Variants in PPFIA2 observed in about 807,000 individuals in gnomAD.
PPFIA2 encodes the protein PPFI scaffold protein A2.
In PPFIA2, 46 loss-of-function variants were observed where a neutral mutation model predicts 175.5. That is an observed-to-expected ratio of 0.26 (90% CI 0.21 to 0.34). The LOEUF (loss-of-function observed/expected upper bound fraction) is 0.34, where lower values mean the gene tolerates loss of function less well. Ranked by LOEUF, PPFIA2 falls within the 10% of genes least tolerant of loss-of-function variation. The pLI is 1.00. For missense variants in PPFIA2, 1,179 were observed against 1,506.1 expected, an observed-to-expected ratio of 0.78 and a Z score of 3.60; for synonymous variants, 568 against 511.4, an observed-to-expected ratio of 1.11 and a Z score of -1.49.
chr12:81,297,702 C>T (rs888136435), intron 23 of PPFIA2, among the ~76,000 whole-genome samples: 6 of 152,192 alleles, frequency 3.9e-5, no homozygotes, highest in African/African-American at 1.4e-4. Flanking sequence ...TGGATTTCCA[C>T]ACTAGTTAAC....
At chr12:81,588,726 T>A (rs1048926633) in intron 4 of PPFIA2, among the ~76,000 whole-genome samples, 2 of 152,118 alleles carry the variant, frequency 1.3e-5, no homozygotes, top group African/African-American at 4.8e-5. Context: ...AAATATGTTT[T>A]ACTTTCTCTT....
At chr12:81,755,339 A>G (rs2084472661) in intron 2 of PPFIA2, among the ~76,000 whole-genome samples, 1 of 152,180 alleles carries the variant, frequency 6.6e-6, no homozygotes, top group Admixed American at 6.5e-5. Flanking sequence ...TGGTTGTTGT[A>G]CTATGGCCAG....
intron 23 of PPFIA2, chr12:81,296,530 G>C (rs1390936885): frequency 2.0e-5 from 3 of 152,116 alleles, no homozygotes; most frequent in Non-Finnish European, 4.4e-5. Flanking sequence ...CATTAGTTAT[G>C]AGTAAGAAGT....
intron 3 of PPFIA2, among the ~76,000 whole-genome samples, chr12:81,692,066 CCTCT>C (rs760566521): frequency 9.0e-5 from 13 of 144,642 alleles, no homozygotes; most frequent in Non-Finnish European, 1.8e-4. Flanking sequence ...TTTCTCTCTT[CCTCT>C]CTCTCTCTCT....
At chr12:81,530,015 T>G (rs1226318809) in intron 4 of PPFIA2, among the ~76,000 whole-genome samples, 3 of 151,946 alleles carry the variant, frequency 2.0e-5, no homozygotes, top group Non-Finnish European at 4.4e-5. Context: ...CATACAATGC[T>G]ATAAACTAAA....
At chr12:81,282,984 G>A (rs774124709) in intron 26 of PPFIA2, 26 bp downstream of exon 26, 3 of 1,593,132 alleles carry the variant, frequency 1.9e-6, no homozygotes, top group African/African-American at 2.7e-5. Context: ...TGATATTAAG[G>A]GTCTTAAAGC....
At chr12:81,419,064 T>G (rs1398959027) in intron 7 of PPFIA2, among the ~76,000 whole-genome samples, 1 of 152,052 alleles carries the variant, frequency 6.6e-6, no homozygotes, top group African/African-American at 2.4e-5. Flanking sequence ...AAAATAGTTT[T>G]AACTTATATA....
At chr12:81,512,763 C>T (rs986009466) in intron 4 of PPFIA2, among the ~76,000 whole-genome samples, 1 of 151,976 alleles carries the variant, frequency 6.6e-6, no homozygotes. Flanking sequence ...GCTTAGCTTC[C>T]ACTTATAAAT....
intron 3 of PPFIA2, among the ~76,000 whole-genome samples, chr12:81,743,411 CAAAAAAAAAAAAAAAAAAA>C (rs772497730): frequency 1.6e-4 from 4 of 24,862 alleles, no homozygotes; most frequent in East Asian, 3.1e-3. Flanking sequence ...GACTCCGTCT[CAAAAAAAAAAAAAAAAAAA>C]AAAAAAAAAA....
chr12:81,548,503 A>G lies in PPFIA2; in HGVS notation c.304-90637T>C, dbSNP rs74399310. On this transcript the variant is annotated intron_variant, in intron 4 of 32. Coordinates refer to ENST00000549396, the MANE Select transcript of PPFIA2 (RefSeq NM_003625.5). The stretch of plus-strand genomic sequence containing the variant: ...TATATTCAAAACAATGTTTTCCTTT[A>G]TATGTTTTTCTAGAGATGGGAGTCT... Among the ~76,000 whole-genome samples, 267 of 152,172 alleles carry G rather than the reference A, an allele frequency of 1.8e-3. 1 individual carries two copies. The highest frequency in any genetic ancestry group is 6.2e-3 in the African/African-American group (259 of 41,534).
chr12:81,374,823 C>T (rs2035987487), intron 10 of PPFIA2, 55 bp from the exon 11 acceptor site: 6 of 1,515,240 alleles, frequency 4.0e-6, no homozygotes, highest in Non-Finnish European at 5.4e-6. Flanking sequence ...GGATAGCAAA[C>T]ACCAGTCGCC....
intron 4 of PPFIA2, among the ~76,000 whole-genome samples, chr12:81,512,599 C>A (rs935351281): frequency 2.0e-5 from 3 of 151,774 alleles, no homozygotes. Flanking sequence ...TGGATGAGTT[C>A]TCTGGTGGTG....
Position 81,368,844 on chromosome 12 carries a change from C to A in PPFIA2, c.1363G>T (p.Glu455Ter). 1 of 1,609,632 alleles carries A rather than the reference C, an allele frequency of 6.2e-7. No individual in the cohort carries two copies. Among genetic ancestry groups the A allele is most frequent in the Non-Finnish European group, 8.5e-7 (1 of 1,177,652 alleles). The change falls in exon 13 of 33, where the codon GAG (glutamate) becomes TAG (stop). Residue 455 changes from glutamate (E) to a stop codon, truncating the protein, a stop_gained. Transcript: ENST00000549396. LOFTEE classifies it high-confidence loss of function. ...TTGTTATGCTCCTCATTCATTTTCT[C>A]TCTTTGCCTAGCCTTACATTTTAAA... ...NQELQRARQREKMNEEHNKRL... is the reference protein window; with the variant it reads ...NQELQRARQR
At chr12:81,758,347 G>A (rs2085018644) in intron 2 of PPFIA2, 53 bp downstream of exon 2, 1 of 455,052 alleles carries the variant, frequency 2.2e-6, no homozygotes, top group South Asian at 1.6e-5. Context: ...CCGGGGAGGT[G>A]GTCAAAAAAT....
chr12:81,674,807 T>C (rs765813391), intron 4 of PPFIA2, among the ~76,000 whole-genome samples: 2 of 152,028 alleles, frequency 1.3e-5, no homozygotes, highest in African/African-American at 2.4e-5. Flanking sequence ...GCTTTATTCT[T>C]AAATAATGGA....
At chr12:81,393,577 G>A (rs2040551570) in intron 8 of PPFIA2, among the ~76,000 whole-genome samples, 1 of 151,972 alleles carries the variant, frequency 6.6e-6, no homozygotes, top group Non-Finnish European at 1.5e-5. Flanking sequence ...CATAAACCAG[G>A]AAACTTCAGG....
intron 4 of PPFIA2, among the ~76,000 whole-genome samples, chr12:81,644,355 T>A (rs2065771492): frequency 2.0e-5 from 3 of 151,934 alleles, no homozygotes; most frequent in Admixed American, 1.3e-4. Flanking sequence ...ACTAAATATA[T>A]CCCCTTAAGT....
At chr12:81,720,506 G>A (rs1437969097) in intron 3 of PPFIA2, among the ~76,000 whole-genome samples, 2 of 151,312 alleles carry the variant, frequency 1.3e-5, no homozygotes, top group African/African-American at 4.8e-5. Context: ...TTTTGGTAAA[G>A]AGATCTCAAC....
rs771953120 is a variant in PPFIA2 at position 81,294,826 on chromosome 12, C to T, written c.2925+9G>A. The T allele has an allele frequency of 6.2e-7, 1 of 1,611,118 alleles. No homozygotes were observed. The highest frequency in any genetic ancestry group is 2.2e-5 in the East Asian group (1 of 44,830). ...CACTGAGGAAGGGGAGGAGCAGAAACTGACTCACAGTTCGAGATGTTGGAG... is the reference window on the plus strand; with the variant it reads ...CACTGAGGAAGGGGAGGAGCAGAAATTGACTCACAGTTCGAGATGTTGGAG... On this transcript the variant is annotated intron_variant, in intron 24 of 32. Coordinates refer to ENST00000549396, the MANE Select transcript of PPFIA2 (RefSeq NM_003625.5).
Sources: gnomAD v4.1 joint callset for allele counts (sites outside exome capture counted in the v4.1 genomes callset) on GRCh38, gnomAD v4.1.1 for gene constraint, MANE v1.5 for transcripts, NCBI Gene and HGNC (gene_info 2026-07-23, HGNC 2026-07-21) for gene names.